The following WDR20 variants were observed in gnomAD, a reference collection of about 807,000 sequenced individuals.
The protein encoded by WDR20 is WD repeat domain 20.
In WDR20, 3 loss-of-function variants were observed where a neutral mutation model predicts 38.7. The ratio of observed to expected loss-of-function variants is 0.08; its 90% CI spans 0.04 to 0.20. The LOEUF is 0.20. Ranked by LOEUF, WDR20 falls within the 10% of genes least tolerant of loss-of-function variation. WDR20 has a pLI of 1.00. For missense variants in WDR20, 559 were observed against 727.7 expected (o/e 0.77, Z 2.67); for synonymous variants, 298 against 285.6 (o/e 1.04, Z -0.44).
At position 102,208,506 on chromosome 14, in the gene WDR20, G is replaced by T; in HGVS notation, c.433-97G>T. On this transcript the variant is annotated intron_variant, in intron 2 of 2. Coordinates refer to ENST00000342702, the MANE Select transcript of WDR20 (RefSeq NM_144574.4). The surrounding 1 kb of genome is among the most constrained non-coding windows in gnomAD (Gnocchi z 5.6). ...AAATGTGGAGGGCCTGGATAGACTT[G>T]CCCCTTCCCATCGAGAAGCACACAA... The T allele has an allele frequency of 6.8e-7, 1 of 1,461,730 alleles. No homozygotes were observed. Among genetic ancestry groups the T allele is most frequent in the Non-Finnish European group, 9.1e-7 (1 of 1,103,574 alleles). 90.5% of individuals were successfully genotyped at this position (1,461,730 alleles called of 1,614,324 possible).
intron 1 of WDR20, among the ~76,000 whole-genome samples, chr14:102,175,866 A>G (rs906605185): frequency 6.6e-6 from 1 of 152,194 alleles, no homozygotes; most frequent in Non-Finnish European, 1.5e-5. Flanking sequence ...CGCTGTTGGT[A>G]TATAGCAGAG....
chr14:102,217,411 A>C (rs79963976), downstream of WDR20, among the ~76,000 whole-genome samples: 702 of 152,218 alleles, frequency 4.6e-3, 6 homozygotes, highest in African/African-American at 0.016. Context: ...GAAGAGTACA[A>C]TCCTTTTCTC....
intron 1 of WDR20, among the ~76,000 whole-genome samples, chr14:102,181,377 G>C (rs988679270): frequency 1.3e-5 from 2 of 152,174 alleles, no homozygotes; most frequent in African/African-American, 4.8e-5. Context: ...TACTTACAGT[G>C]AATGAGATCA....
chr14:102,174,925 ATTTG>A (rs2061729499), intron 1 of WDR20, among the ~76,000 whole-genome samples: 1 of 151,614 alleles, frequency 6.6e-6, no homozygotes, highest in Non-Finnish European at 1.5e-5. Context: ...TTTCTTGCTG[ATTTG>A]TTTTAGTTTC....
chr14:102,145,521 G>A (rs2053276112), intron 1 of WDR20, among the ~76,000 whole-genome samples: 1 of 152,136 alleles, frequency 6.6e-6, no homozygotes, highest in South Asian at 2.1e-4. Context: ...CTTTTGGGAG[G>A]CCAAGGCGGG....
chr14:102,200,463 TTTTTTGTGTGTGTGTG>T lies in WDR20; in HGVS notation c.432+5345_432+5360del, dbSNP rs1408869180. ...CGAGGAGTTTACTTTTTAAATTTTTTTTTTTGTGTGTGTGTGTGTGTGTGTGTGTGTGTGTGTGTGT... is the reference window on the plus strand; with the variant it reads ...CGAGGAGTTTACTTTTTAAATTTTTTTGTGTGTGTGTGTGTGTGTGTGTGT... On this transcript the variant is annotated intron_variant, in intron 2 of 2. Transcript: ENST00000342702. Among the ~76,000 whole-genome samples, 80 of 99,702 alleles carry T rather than the reference TTTTTTGTGTGTGTGTG, an allele frequency of 8.0e-4. 1 individual carries two copies. In the South Asian group the frequency reaches 0.014, roughly 18 times the overall value. 65.4% of individuals were successfully genotyped at this position (99,702 alleles called of 152,430 possible).
At chr14:102,189,746 G>T (rs1282144644) in intron 1 of WDR20, among the ~76,000 whole-genome samples, 1 of 152,134 alleles carries the variant, frequency 6.6e-6, no homozygotes, top group Non-Finnish European at 1.5e-5. Flanking sequence ...AACTAATTTT[G>T]TGGAACTATA....
intron 1 of WDR20, among the ~76,000 whole-genome samples, chr14:102,153,892 TA>T (rs2056754695): frequency 6.6e-6 from 1 of 152,230 alleles, no homozygotes; most frequent in Non-Finnish European, 1.5e-5. Context: ...ATCACTCTTT[TA>T]AATACCCTTT....
chr14:102,152,224 ACT>A (rs2056148576), intron 1 of WDR20, among the ~76,000 whole-genome samples: 1 of 151,516 alleles, frequency 6.6e-6, no homozygotes, highest in South Asian at 2.1e-4. Flanking sequence ...GCCCATGAGT[ACT>A]CTTTTTCTTC....
chr14:102,165,750 C>G (rs936331351), intron 1 of WDR20, among the ~76,000 whole-genome samples: 2 of 151,486 alleles, frequency 1.3e-5, no homozygotes, highest in East Asian at 3.9e-4. Context: ...GATCCTCCCA[C>G]CTCAGCCTCC....
chr14:102,142,774 C>CTTTTTTTTTTT (rs71116885), intron 1 of WDR20, among the ~76,000 whole-genome samples: 3 of 84,980 alleles, frequency 3.5e-5, no homozygotes, highest in Non-Finnish European at 6.6e-5. Context: ...GCTGTTTTGA[C>CTTTTTTTTTTT]TTTTTTTTTT....
In WDR20 at chr14:102,221,986, A is replaced by C. The variant is rs1456135656; in HGVS notation, c.1693-844A>C. Among the ~76,000 whole-genome samples, 4 of 152,228 alleles carry C rather than the reference A, an allele frequency of 2.6e-5. No individual in the cohort carries two copies. In the South Asian group the frequency reaches 8.3e-4, roughly 31 times the overall value. The stretch of plus-strand genomic sequence containing the variant: ...TGTAATGTAATTGCTGCTCAATAGT[A>C]AATGCAAAGAAATGGAAGTACTCTT... On this transcript the variant is annotated intron_variant, in intron 3 of 3. Coordinates refer to the WDR20 transcript ENST00000335263. This position sits in a 1 kb window ranked among gnomAD's most constrained non-coding sequence, Gnocchi z 4.8.
chr14:102,184,871 C>T (rs28550549), intron 1 of WDR20, among the ~76,000 whole-genome samples: 14,257 of 152,152 alleles, frequency 0.094, 1,255 homozygotes, highest in African/African-American at 0.23. Context: ...CGTGGTTGGC[C>T]GGGGCTCATT....
chr14:102,152,448 C>G (rs1426233503), intron 1 of WDR20, among the ~76,000 whole-genome samples: 1 of 148,056 alleles, frequency 6.8e-6, no homozygotes, highest in Non-Finnish European at 1.5e-5. Context: ...CAGAGTCTTG[C>G]TCTGTCACCA....
chr14:102,170,429 ATTT>A (rs2060581131), intron 1 of WDR20, among the ~76,000 whole-genome samples: 1 of 152,096 alleles, frequency 6.6e-6, no homozygotes, highest in Admixed American at 6.5e-5. Context: ...AATTGTACCA[ATTT>A]TTACTTGTGG....
At chr14:102,145,853 C>A (rs2053447529) in intron 1 of WDR20, among the ~76,000 whole-genome samples, 1 of 152,148 alleles carries the variant, frequency 6.6e-6, no homozygotes, top group African/African-American at 2.4e-5. Flanking sequence ...CCTACCTTCC[C>A]ACATCTTAAG....
At chr14:102,165,878 A>T (rs2059672167) in intron 1 of WDR20, among the ~76,000 whole-genome samples, 4 of 151,642 alleles carry the variant, frequency 2.6e-5, no homozygotes. Context: ...GGGCTCAAGC[A>T]GTCTGCCTGC....
intron 1 of WDR20, among the ~76,000 whole-genome samples, chr14:102,151,789 G>T (rs1016253469): frequency 1.8e-4 from 27 of 151,238 alleles, no homozygotes; most frequent in African/African-American, 6.6e-4. Context: ...ACCTAGGCTG[G>T]AGTGCAGTGA....
rs750334971 is a variant in WDR20, at chr14:102,208,790, A to G, written c.620A>G (p.Lys207Arg). The G allele has an allele frequency of 6.2e-7, 1 of 1,614,258 alleles. No homozygotes were observed. Among genetic ancestry groups the G allele is most frequent in the South Asian group, 1.1e-5 (1 of 91,086 alleles). ...TTTGCCGTGCACACTTGCAAGAGCA[A>G]ATCCACGAGGAACCCTCTCCTTAAG... Reference protein sequence around the residue: ...ESFAVHTCKSKSTRNPLLKWT... With the variant: ...ESFAVHTCKSRSTRNPLLKWT... The change falls in exon 3 of 3, where the codon AAA becomes AGA. Residue 207 changes from lysine to arginine, a missense_variant. Physicochemically the swap from Lys to Arg is conservative, Grantham distance 26. Coordinates refer to ENST00000342702, the MANE Select transcript of WDR20 (RefSeq NM_144574.4). The surrounding 1 kb of genome is among the most constrained non-coding windows in gnomAD (Gnocchi z 5.6).
Sources: gnomAD v4.1 joint callset for allele counts (sites outside exome capture counted in the v4.1 genomes callset) on GRCh38, gnomAD v4.1.1 for gene constraint, Gnocchi (gnomAD v3.1) non-coding constraint, MANE v1.5 for transcripts, NCBI Gene and HGNC (gene_info 2026-07-23, HGNC 2026-07-21) for gene names.